Variants in SEMA3A observed in about 807,000 individuals in gnomAD.
SEMA3A encodes the protein semaphorin 3A, also known as semaphorin-3A.
A neutral mutation model predicts 97.9 loss-of-function variants in SEMA3A; 29 were observed. The observed-to-expected ratio is 0.30, with a 90% confidence interval of 0.22 to 0.40. The LOEUF (loss-of-function observed/expected upper bound fraction) is 0.40. SEMA3A is among the 10% of genes least tolerant of loss of function. SEMA3A has a pLI of 1.00. For missense variants in SEMA3A, 763 were observed against 951.3 expected (o/e 0.80, Z 2.60); for synonymous variants, 321 against 323.7 (o/e 0.99, Z 0.09).
chr7:84,062,696 A>G (rs1405541562), intron 4 of SEMA3A, among the ~76,000 whole-genome samples: 2 of 152,190 alleles, frequency 1.3e-5, no homozygotes, highest in African/African-American at 4.8e-5. Flanking sequence ...CCACCCGAAT[A>G]CTGCGCTTTT....
intron 2 of SEMA3A, among the ~76,000 whole-genome samples, chr7:84,366,895 C>A (rs1802860888): frequency 6.6e-6 from 1 of 150,766 alleles, no homozygotes; most frequent in Admixed American, 6.6e-5. Context: ...TTCTTGTGCT[C>A]TCACTTGATT....
intron 3 of SEMA3A, among the ~76,000 whole-genome samples, chr7:84,116,028 T>G (rs1421820297): frequency 6.6e-6 from 1 of 152,154 alleles, no homozygotes; most frequent in East Asian, 1.9e-4. Flanking sequence ...GCATCTTTAA[T>G]TGCATGTGAG....
intron 10 of SEMA3A, 39 bp from the exon 11 acceptor site, chr7:84,005,597 C>G (rs777464264): frequency 7.6e-7 from 1 of 1,307,302 alleles, no homozygotes; most frequent in East Asian, 2.5e-5. Flanking sequence ...TGATTAAAAT[C>G]TAATAAACAT....
At chr7:84,315,258 C>T (rs1229756107) in intron 2 of SEMA3A, among the ~76,000 whole-genome samples, 1 of 152,036 alleles carries the variant, frequency 6.6e-6, no homozygotes, top group Non-Finnish European at 1.5e-5. Context: ...GAAATATTCT[C>T]CTCCAGATTT....
chr7:84,134,540 A>C (rs1796064069), intron 2 of SEMA3A, among the ~76,000 whole-genome samples: 1 of 152,228 alleles, frequency 6.6e-6, no homozygotes, highest in South Asian at 2.1e-4. Context: ...TGTAGGAAAA[A>C]TAGATATGAA....
At chr7:84,232,537 T>A (rs944242062) in intron 3 of SEMA3A, among the ~76,000 whole-genome samples, 3 of 151,498 alleles carry the variant, frequency 2.0e-5, no homozygotes, top group African/African-American at 7.3e-5. Flanking sequence ...CTGAAGAATA[T>A]AACTATCCCT....
At chr7:84,091,301 AAAG>A (rs1794594636) in intron 4 of SEMA3A, among the ~76,000 whole-genome samples, 1 of 56,402 alleles carries the variant, frequency 1.8e-5, no homozygotes, top group South Asian at 4.5e-4. Flanking sequence ...AGAAAAAGAA[AAAG>A]AAAGGAAGGA....
intron 2 of SEMA3A, among the ~76,000 whole-genome samples, chr7:84,316,130 CAAAAAAAAAAAAAA>C (rs202005657): frequency 2.3e-4 from 7 of 30,220 alleles, no homozygotes; most frequent in East Asian, 1.6e-3. Context: ...GACTCTATCT[CAAAAAAAAAAAAAA>C]AAAAAAAAAA....
At chr7:84,447,977 C>T (rs1403593007) in intron 1 of SEMA3A, among the ~76,000 whole-genome samples, 1 of 152,252 alleles carries the variant, frequency 6.6e-6, no homozygotes, top group Non-Finnish European at 1.5e-5. Flanking sequence ...CACAGCCTCA[C>T]ACAGAGCTGG....
intron 1 of SEMA3A, among the ~76,000 whole-genome samples, chr7:84,436,311 C>G (rs1464062821): frequency 6.6e-6 from 1 of 151,944 alleles, no homozygotes; most frequent in African/African-American, 2.4e-5. Flanking sequence ...TAATTCTAAC[C>G]AAAACAAAAA....
intron 1 of SEMA3A, among the ~76,000 whole-genome samples, chr7:84,187,241 A>G (rs763377429): frequency 2.0e-5 from 3 of 152,222 alleles, no homozygotes; most frequent in Non-Finnish European, 2.9e-5. Flanking sequence ...ATTTGGTAGA[A>G]CTGATTTGAT....
rs905783649 is a variant in SEMA3A at position 83,958,872 on chromosome 7, A to G, written c.*2499T>C. 1 of 152,322 alleles carries G rather than the reference A, an allele frequency of 6.6e-6. No individual in the cohort carries two copies. The highest frequency in any genetic ancestry group is 1.5e-5 in the Non-Finnish European group (1 of 67,960). 9.4% of individuals were successfully genotyped at this position (152,322 alleles called of 1,614,324 possible). ...GTTGTAATTTTCGTAAGGTCACATG[A>G]GTCTCTCAAACAGTTTCATCTCTGA... On this transcript the variant is annotated 3_prime_UTR_variant, in exon 17 of 17. Transcript: ENST00000265362.
intron 2 of SEMA3A, among the ~76,000 whole-genome samples, chr7:84,308,087 TTAAAG>T (rs1224743506): frequency 1.3e-5 from 2 of 152,112 alleles, no homozygotes; most frequent in African/African-American, 4.8e-5. Context: ...TTTAATCTTA[TTAAAG>T]TAAAGAAAAA....
intron 15 of SEMA3A, among the ~76,000 whole-genome samples, chr7:83,968,847 C>T (rs1227474072): frequency 1.7e-5 from 2 of 118,226 alleles, no homozygotes; most frequent in African/African-American, 6.6e-5. Flanking sequence ...GTCTCACTCT[C>T]TCACCCAGGC....
intron 6 of SEMA3A, among the ~76,000 whole-genome samples, chr7:84,022,755 T>C (rs897693339): frequency 1.3e-5 from 2 of 152,222 alleles, no homozygotes; most frequent in Non-Finnish European, 2.9e-5. Context: ...GTAAACACTA[T>C]GAAAGGTAAA....
At chr7:84,333,490 G>A (rs1801955254) in intron 2 of SEMA3A, among the ~76,000 whole-genome samples, 2 of 152,070 alleles carry the variant, frequency 1.3e-5, no homozygotes, top group Admixed American at 6.6e-5. Context: ...ATGAGGTGAG[G>A]AGAGTGACTT....
chr7:84,042,638 CACA>C (rs1459635355), intron 6 of SEMA3A, among the ~76,000 whole-genome samples: 1 of 151,960 alleles, frequency 6.6e-6, no homozygotes, highest in East Asian at 1.9e-4. Context: ...GTCGTTTTTC[CACA>C]ACAACTATAG....
intron 6 of SEMA3A, among the ~76,000 whole-genome samples, chr7:84,016,781 T>C (rs1323039588): frequency 3.3e-5 from 5 of 152,190 alleles, no homozygotes; most frequent in African/African-American, 1.2e-4. Flanking sequence ...TGTAAAATGT[T>C]AACAAATATA....
rs142019449 is a variant in SEMA3A at position 84,068,825 on chromosome 7, G to T, written c.454-8267C>A. Among the ~76,000 whole-genome samples, 387 of 152,202 alleles carry T rather than the reference G, an allele frequency of 2.5e-3. 2 individuals are homozygous for T. Among genetic ancestry groups the T allele is most frequent in the African/African-American group, 8.8e-3 (365 of 41,562 alleles). Reference sequence around the variant, plus strand: ...ATAGGAAGAGAGGTTAAGCATGTCAGTTATGGTTCAAGAGAAGATGAAAAA... The same window carrying T: ...ATAGGAAGAGAGGTTAAGCATGTCATTTATGGTTCAAGAGAAGATGAAAAA... On this transcript the variant is annotated intron_variant, in intron 4 of 16. Coordinates refer to ENST00000265362, the MANE Select transcript of SEMA3A (RefSeq NM_006080.3).
Sources: allele counts gnomAD v4.1 joint callset (sites outside exome capture counted in the v4.1 genomes callset), GRCh38; gene constraint gnomAD v4.1.1; transcripts MANE v1.5; gene names NCBI Gene and HGNC (gene_info 2026-07-23, HGNC 2026-07-21).